OR5L2: variants seen among roughly 807,000 people sequenced by gnomAD.
OR5L2 encodes olfactory receptor family 5 subfamily L member 2.
For synonymous variants in OR5L2, 175 were observed against 151.6 expected (o/e 1.15, Z -1.13); for missense variants, 425 against 365.6 (o/e 1.16, Z -1.32).
chr11:55,827,900 A>T lies in OR5L2; in HGVS notation c.682A>T (p.Ile228Leu). Residue 228 changes from isoleucine to leucine, a missense_variant, in exon 1 of 1, where the codon ATA becomes TTA. Ile to Leu is a conservative substitution (Grantham distance 5, BLOSUM62 2). Coordinates refer to ENST00000378397, the MANE Select transcript of OR5L2 (RefSeq NM_001004739.1). Reference sequence around the variant, plus strand: ...GCTAATTCTCACCACTATCCTGAAGATACACTCTGCAGAGAGCAGGCACAA... The same window carrying T: ...GCTAATTCTCACCACTATCCTGAAGTTACACTCTGCAGAGAGCAGGCACAA... ...YLLILTTILKIHSAESRHKAF... is the reference protein window; with the variant it reads ...YLLILTTILKLHSAESRHKAF... 6.2e-7 allele frequency: 1 copy of T among 1,613,870 alleles called. No individual in the cohort carries two copies. The highest frequency in any genetic ancestry group is 8.5e-7 in the Non-Finnish European group (1 of 1,179,974).
chr11:55,827,676 C>A lies in OR5L2; in HGVS notation c.458C>A (p.Thr153Lys). The A allele has an allele frequency of 6.2e-7, 1 of 1,613,782 alleles. No individual in the cohort carries two copies. Among genetic ancestry groups the A allele is most frequent in the Non-Finnish European group, 8.5e-7 (1 of 1,179,970 alleles). Residue 153 changes from threonine (T) to lysine (K), a missense_variant, in exon 1 of 1, where the codon ACG becomes AAG. Coordinates refer to ENST00000378397, the MANE Select transcript of OR5L2 (RefSeq NM_001004739.1). ...ACCTCTTGCTGCTACTTCTGTGGGACGGTGTGTTCTCTGATTCACTCGTCC... is the reference window on the plus strand; with the variant it reads ...ACCTCTTGCTGCTACTTCTGTGGGAAGGTGTGTTCTCTGATTCACTCGTCC... ...ELTSCCYFCG[T>K]VCSLIHSSLA...
At position 55,828,033 on chromosome 11, in the gene OR5L2, A is replaced by T; in HGVS notation, c.815A>T (p.Lys272Ile). 6.8e-7 allele frequency: 1 copy of T among 1,471,520 alleles called. No homozygotes were observed. The highest frequency in any genetic ancestry group is 1.4e-5 in the South Asian group (1 of 69,386). 91.2% of individuals were successfully genotyped at this position (1,471,520 alleles called of 1,614,324 possible). A position where few individuals can be genotyped will look rare whatever the true frequency, so the allele number is the denominator to read the frequency against. Reference sequence around the variant, plus strand: ...TCAGGCAACAGTGGAGATGTTGACAAAGTGGCCACCGTGTTCTACACAGTT... The same window carrying T: ...TCAGGCAACAGTGGAGATGTTGACATAGTGGCCACCGTGTTCTACACAGTT... ...PSSGNSGDVD[K>I]VATVFYTVVI... is the part of the protein sequence containing the mutation. The change falls in exon 1 of 1, where the codon AAA becomes ATA. Residue 272 changes from lysine to isoleucine, a missense_variant. Coordinates refer to ENST00000378397, the MANE Select transcript of OR5L2 (RefSeq NM_001004739.1).
At position 55,827,567 on chromosome 11, in the gene OR5L2, G is replaced by T. The variant is rs202214388; in HGVS notation, c.349G>T (p.Val117Leu). 1.2e-6 allele frequency: 2 copies of T among 1,613,822 alleles called. No homozygotes were observed. The highest frequency in any genetic ancestry group is 4.5e-5 in the East Asian group (2 of 44,880). The change falls in exon 1 of 1, where the codon GTG (valine) becomes TTG (leucine). Residue 117 changes from valine (V) to leucine (L), a missense_variant. Physicochemically the swap from Val to Leu is conservative, Grantham distance 32. Coordinates refer to ENST00000378397, the MANE Select transcript of OR5L2 (RefSeq NM_001004739.1). ...CGVTEVFLLA[V>L]MAYDRFVAIC... is the part of the protein sequence containing the mutation. ...AGTCACTGAGGTCTTCCTGCTGGCCGTGATGGCCTATGACCGCTTTGTGGC... is the reference window on the plus strand; with the variant it reads ...AGTCACTGAGGTCTTCCTGCTGGCCTTGATGGCCTATGACCGCTTTGTGGC...
chr11:55,827,332 G>A lies in OR5L2; in HGVS notation c.114G>A (p.Thr38=), dbSNP rs1342063295. ...FLLFLLIYGV[T]LLANLGMTAL... ...TGTTCCTTCTCATCTATGGAGTCAC[G>A]TTGTTAGCCAATCTGGGCATGACTG... Residue 38 remains threonine, a synonymous_variant, in exon 1 of 1, where the codon ACG becomes ACA. Coordinates refer to ENST00000378397, the MANE Select transcript of OR5L2 (RefSeq NM_001004739.1). The A allele has an allele frequency of 1.2e-5, 19 of 1,613,838 alleles. No individual in the cohort carries two copies. Among genetic ancestry groups the A allele is most frequent in the East Asian group, 1.1e-4 (5 of 44,862 alleles).
rs531659939 is a variant in OR5L2 at position 55,827,740 on chromosome 11, T to C, written c.522T>C (p.Ile174=). ...TCCTCTTCTATAGATCTAATGTGAT[T>C]AACCACTTCTTCTGTGATCTACCCC... is the stretch of plus-strand genomic sequence containing the variant. ...LRILFYRSNV[I]NHFFCDLPPL... Residue 174 remains isoleucine (I), a synonymous_variant, in exon 1 of 1, where the codon ATT becomes ATC. Transcript: ENST00000378397. 2.9e-5 allele frequency: 46 copies of C among 1,613,886 alleles called. No individual in the cohort carries two copies. The African/African-American group carries it at 4.7e-4, about 16-fold the overall frequency.
In OR5L2 at chr11:55,827,780, G is replaced by A; in HGVS notation, c.562G>A (p.Ala188Thr). 1 of 1,613,882 alleles carries A rather than the reference G, an allele frequency of 6.2e-7. No homozygotes were observed. Among genetic ancestry groups the A allele is most frequent in the Non-Finnish European group, 8.5e-7 (1 of 1,179,996 alleles). ...TGATCTACCCCCTCTCCTAAGTCTT[G>A]CTTGCTCTGATGTCACTGTGAATGA... ...FCDLPPLLSL[A>T]CSDVTVNETL... Residue 188 changes from alanine to threonine, a missense_variant, in exon 1 of 1, where the codon GCT becomes ACT. Physicochemically the swap from Ala to Thr is moderately conservative, Grantham distance 58. Transcript: ENST00000378397.
rs1033315265 is a variant in OR5L2 at position 55,828,077 on chromosome 11, C to A, written c.859C>A (p.Pro287Thr). The A allele has an allele frequency of 1.9e-6, 3 of 1,613,696 alleles. No individual in the cohort carries two copies. The highest frequency in any genetic ancestry group is 2.5e-6 in the Non-Finnish European group (3 of 1,179,872). The change falls in exon 1 of 1, where the codon CCC becomes ACC. Residue 287 changes from proline to threonine, a missense_variant. Transcript: ENST00000378397. ...FYTVVIPMLN[P>T]LIYSLRNKDV... ...CACAGTTGTGATTCCCATGCTGAAC[C>A]CCCTGATCTACAGCCTGAGAAATAA...
Position 55,827,646 on chromosome 11 carries a change from A to T in OR5L2, c.428A>T (p.Glu143Val). The T allele has an allele frequency of 2.5e-6, 4 of 1,613,754 alleles. No individual in the cohort carries two copies. The highest frequency in any genetic ancestry group is 1.3e-5 in the African/African-American group (1 of 74,774). The change falls in exon 1 of 1, where the codon GAG (glutamate) becomes GTG (valine). Residue 143 changes from glutamate to valine, a missense_variant. Transcript: ENST00000378397. ...ACCATGTCTCAGAAGCTGCGTGTGG[A>T]GCTGACCTCTTGCTGCTACTTCTGT... ...MVTMSQKLRV[E>V]LTSCCYFCGT...
In OR5L2 at chr11:55,827,599, TA is replaced by T; in HGVS notation, c.383del (p.Asn128ThrfsTer7). On this transcript the variant is annotated frameshift_variant, in exon 1 of 1. Transcript: ENST00000378397. LOFTEE classifies it low-confidence loss of function (END_TRUNC). ...MAYDRFVAIC[N>X]PLLYMVTMSQ... ...CCTATGACCGCTTTGTGGCCATCTG[TA>T]ACCCCCTGCTGTACATGGTGACCAT... 6.2e-7 allele frequency: 1 copy of T among 1,613,944 alleles called. No individual in the cohort carries two copies. The highest frequency in any genetic ancestry group is 8.5e-7 in the Non-Finnish European group (1 of 1,179,998).
rs751673868 is a variant in OR5L2 at position 55,827,534 on chromosome 11, A to C, written c.316A>C (p.Thr106Pro). The C allele has an allele frequency of 1.2e-6, 2 of 1,606,936 alleles. No homozygotes were observed. The highest frequency in any genetic ancestry group is 1.7e-6 in the Non-Finnish European group (2 of 1,174,118). The change falls in exon 1 of 1, where the codon ACA becomes CCA. Residue 106 changes from threonine (T) to proline (P), a missense_variant. Coordinates refer to ENST00000378397, the MANE Select transcript of OR5L2 (RefSeq NM_001004739.1). ...CATGGTGCAATTCTACTTGTTTTGCACATGTGGAGTCACTGAGGTCTTCCT... is the reference window on the plus strand; with the variant it reads ...CATGGTGCAATTCTACTTGTTTTGCCCATGTGGAGTCACTGAGGTCTTCCT... ...GCMVQFYLFCTCGVTEVFLLA... is the reference protein window; with the variant it reads ...GCMVQFYLFCPCGVTEVFLLA...
In OR5L2 at chr11:55,827,474, T is replaced by G. The variant is rs2134474789; in HGVS notation, c.256T>G (p.Phe86Val). The change falls in exon 1 of 1, where the codon TTT becomes GTT. Residue 86 changes from phenylalanine (F) to valine (V), a missense_variant. Phe to Val is a conservative substitution (Grantham distance 50, BLOSUM62 -1). Transcript: ENST00000378397. ...IIVPKMLANI[F>V]NKDKAISFLG... ...TGTGCCAAAGATGTTGGCTAATATCTTTAACAAGGACAAAGCCATCTCCTT... is the reference window on the plus strand; with the variant it reads ...TGTGCCAAAGATGTTGGCTAATATCGTTAACAAGGACAAAGCCATCTCCTT... 6.2e-7 allele frequency: 1 copy of G among 1,614,028 alleles called. No individual in the cohort carries two copies. Among genetic ancestry groups the G allele is most frequent in the East Asian group, 2.2e-5 (1 of 44,880 alleles).
In OR5L2 at chr11:55,827,602, C is replaced by T; in HGVS notation, c.384C>T (p.Asn128=). 2.5e-6 allele frequency: 4 copies of T among 1,613,912 alleles called. No individual in the cohort carries two copies. The highest frequency in any genetic ancestry group is 3.4e-6 in the Non-Finnish European group (4 of 1,179,988). The change falls in exon 1 of 1, where the codon AAC becomes AAT. Residue 128 remains asparagine, a synonymous_variant. Transcript: ENST00000378397. The stretch of plus-strand genomic sequence containing the variant: ...ATGACCGCTTTGTGGCCATCTGTAA[C>T]CCCCTGCTGTACATGGTGACCATGT... ...MAYDRFVAIC[N]PLLYMVTMSQ... is the part of the protein sequence containing the mutation.
At position 55,827,346 on chromosome 11, in the gene OR5L2, T is replaced by C. The variant is rs1277890700; in HGVS notation, c.128T>C (p.Leu43Pro). The change falls in exon 1 of 1, where the codon CTG becomes CCG. Residue 43 changes from leucine to proline, a missense_variant. Coordinates refer to ENST00000378397, the MANE Select transcript of OR5L2 (RefSeq NM_001004739.1). ...TATGGAGTCACGTTGTTAGCCAATC[T>C]GGGCATGACTGCACTGATTCAGGTC... ...LIYGVTLLAN[L>P]GMTALIQVSS... The C allele has an allele frequency of 6.2e-7, 1 of 1,613,864 alleles. No individual in the cohort carries two copies. Among genetic ancestry groups the C allele is most frequent in the South Asian group, 1.1e-5 (1 of 91,092 alleles).
At position 55,827,429 on chromosome 11, in the gene OR5L2, T is replaced by C. The variant is rs1451688975; in HGVS notation, c.211T>C (p.Phe71Leu). 2 of 1,613,926 alleles carry C rather than the reference T, an allele frequency of 1.2e-6. No homozygotes were observed. Among genetic ancestry groups the C allele is most frequent in the Admixed American group, 1.7e-5 (1 of 59,998 alleles). ...FFLSHLSFVD[F>L]CYSSIIVPKM... ...CCTCAGCCACTTGTCCTTTGTAGAT[T>C]TCTGCTACTCCTCAATAATTGTGCC... is the stretch of plus-strand genomic sequence containing the variant. The change falls in exon 1 of 1, where the codon TTC becomes CTC. Residue 71 changes from phenylalanine to leucine, a missense_variant. Physicochemically the swap from Phe to Leu is conservative, Grantham distance 22. Transcript: ENST00000378397.
Position 55,828,098 on chromosome 11 carries a change from A to G in OR5L2, c.880A>G (p.Asn294Asp). The change falls in exon 1 of 1, where the codon AAT becomes GAT. Residue 294 changes from asparagine (N) to aspartate (D), a missense_variant. Asn to Asp is a conservative substitution (Grantham distance 23, BLOSUM62 1). Coordinates refer to ENST00000378397, the MANE Select transcript of OR5L2 (RefSeq NM_001004739.1). ...GAACCCCCTGATCTACAGCCTGAGA[A>G]ATAAGGATGTGAACAAAGCTCTCAG... ...MLNPLIYSLR[N>D]KDVNKALRKV... The G allele has an allele frequency of 6.2e-7, 1 of 1,613,644 alleles. No homozygotes were observed. The highest frequency in any genetic ancestry group is 8.5e-7 in the Non-Finnish European group (1 of 1,179,798).
Position 55,828,055 on chromosome 11 carries a change from A to T in OR5L2, c.837A>T (p.Thr279=). Residue 279 remains threonine, a synonymous_variant, in exon 1 of 1, where the codon ACA becomes ACT. Coordinates refer to ENST00000378397, the MANE Select transcript of OR5L2 (RefSeq NM_001004739.1). The part of the protein sequence containing the change: ...DVDKVATVFY[T]VVIPMLNPLI... ...ACAAAGTGGCCACCGTGTTCTACAC[A>T]GTTGTGATTCCCATGCTGAACCCCC... The T allele has an allele frequency of 6.2e-7, 1 of 1,613,728 alleles. No homozygotes were observed. The highest frequency in any genetic ancestry group is 1.7e-5 in the Admixed American group (1 of 59,944).
Position 55,828,056 on chromosome 11 carries a change from G to GTT in OR5L2, c.839_840dup (p.Val281LeufsTer2). 1.2e-6 allele frequency: 2 copies of GTT among 1,613,792 alleles called. No individual in the cohort carries two copies. The highest frequency in any genetic ancestry group is 1.6e-4 in the Middle Eastern group (1 of 6,062). ...CAAAGTGGCCACCGTGTTCTACACAGTTGTGATTCCCATGCTGAACCCCCT... is the reference window on the plus strand; with the variant it reads ...CAAAGTGGCCACCGTGTTCTACACAGTTTTGTGATTCCCATGCTGAACCCCCT... On this transcript the variant is annotated frameshift_variant, in exon 1 of 1. Transcript: ENST00000378397. LOFTEE classifies it low-confidence loss of function (END_TRUNC).
At position 55,827,865 on chromosome 11, in the gene OR5L2, C is replaced by T. The variant is rs1853910744; in HGVS notation, c.647C>T (p.Thr216Ile). 1 of 1,613,864 alleles carries T rather than the reference C, an allele frequency of 6.2e-7. No individual in the cohort carries two copies. The highest frequency in any genetic ancestry group is 8.5e-7 in the Non-Finnish European group (1 of 1,180,006). Residue 216 changes from threonine to isoleucine, a missense_variant, in exon 1 of 1, where the codon ACC becomes ATC. Coordinates refer to ENST00000378397, the MANE Select transcript of OR5L2 (RefSeq NM_001004739.1). ...NESVTIMIILTSYLLILTTIL... is the reference protein window; with the variant it reads ...NESVTIMIILISYLLILTTIL... ...AGTGTTACCATCATGATCATCCTCA[C>T]CTCCTACCTGCTAATTCTCACCACT...
chr11:55,827,677 G>A lies in OR5L2; in HGVS notation c.459G>A (p.Thr153=), dbSNP rs747750167. Residue 153 remains threonine, a synonymous_variant, in exon 1 of 1, where the codon ACG becomes ACA. Transcript: ENST00000378397. ...CCTCTTGCTGCTACTTCTGTGGGACGGTGTGTTCTCTGATTCACTCGTCCT... is the reference window on the plus strand; with the variant it reads ...CCTCTTGCTGCTACTTCTGTGGGACAGTGTGTTCTCTGATTCACTCGTCCT... ...ELTSCCYFCG[T]VCSLIHSSLA... 61 of 1,613,582 alleles carry A rather than the reference G, an allele frequency of 3.8e-5. No individual in the cohort carries two copies. Among genetic ancestry groups the A allele is most frequent in the Non-Finnish European group, 4.7e-5 (55 of 1,179,974 alleles).
Sources: gnomAD v4.1 joint callset for allele counts on GRCh38, gnomAD v4.1.1 for gene constraint, MANE v1.5 for transcripts, NCBI Gene and HGNC (gene_info 2026-07-23, HGNC 2026-07-21) for gene names.